DNM2: variants seen among roughly 807,000 people sequenced by gnomAD.
DNM2 encodes the protein dynamin-2.
Under a neutral mutation model 99.0 loss-of-function variants are expected in DNM2, and 15 were observed. That is an observed-to-expected ratio of 0.15 (90% confidence interval 0.10 to 0.23). The LOEUF is 0.23. Ranked by LOEUF, DNM2 falls within the 10% of genes least tolerant of loss-of-function variation. DNM2 has a pLI of 1.00. For synonymous variants in DNM2, 525 were observed against 481.2 expected (o/e 1.09, Z -1.19); for missense variants, 742 against 1,189.4 (o/e 0.62, Z 5.53).
chr19:10,780,501 T>G (rs2071332165), intron 5 of DNM2, among the ~76,000 whole-genome samples: 1 of 152,150 alleles, frequency 6.6e-6, no homozygotes, highest in Admixed American at 6.6e-5. Flanking sequence ...TTCCTTCCTG[T>G]TTCTAAGAAC....
intron 7 of DNM2, among the ~76,000 whole-genome samples, chr19:10,791,664 G>A (rs922353227): frequency 5.9e-5 from 9 of 152,186 alleles, no homozygotes; most frequent in African/African-American, 1.9e-4. Flanking sequence ...CTGTGGCTGA[G>A]AGCAGGTCCC....
Position 10,831,608 on chromosome 19 carries a change from G to C in DNM2, c.*561G>C. ...ACAGCCTGAGCCTGGCCCAGCCTCG[G>C]CTGCCAGAGGTGCCTTTGCTAGGCC... On this transcript the variant is annotated 3_prime_UTR_variant, in exon 21 of 21. Transcript: ENST00000389253. This position sits in a 1 kb window ranked among gnomAD's most constrained non-coding sequence, Gnocchi z 4.3. 1 of 986,012 alleles carries C rather than the reference G, an allele frequency of 1.0e-6. No homozygotes were observed. The highest frequency in any genetic ancestry group is 1.2e-6 in the Non-Finnish European group (1 of 830,084). The allele number at this position is 986,012 out of a possible 1,614,324, so 61.1% of individuals were successfully genotyped here. A position where few individuals can be genotyped will look rare whatever the true frequency, so the allele number is the denominator to read the frequency against.
Position 10,830,621 on chromosome 19 carries a change from TGC to T in DNM2, c.2543+244_2543+245del. On this transcript the variant is annotated intron_variant, in intron 20 of 20. Coordinates refer to ENST00000389253, the MANE Select transcript of DNM2 (RefSeq NM_001005361.3). The surrounding 1 kb of genome is among the most constrained non-coding windows in gnomAD (Gnocchi z 4.8). ...AGCTTGCCCTCTGCCTACTGGGGTG[TGC>T]CACCAGGCAGCTGGGGAACCCTCAC... 1 of 601,888 alleles carries T rather than the reference TGC, an allele frequency of 1.7e-6. No individual in the cohort carries two copies. The highest frequency in any genetic ancestry group is 2.9e-6 in the Non-Finnish European group (1 of 344,646). The allele number at this position is 601,888 out of a possible 1,614,324, so 37.3% of individuals were successfully genotyped here.
intron 1 of DNM2, among the ~76,000 whole-genome samples, chr19:10,727,582 C>A (rs1309011438): frequency 6.6e-6 from 1 of 151,852 alleles, no homozygotes; most frequent in Non-Finnish European, 1.5e-5. Flanking sequence ...TTTGCCCAGG[C>A]TAGTCTCAAA....
Position 10,738,477 on chromosome 19 carries a change from CAG to C in DNM2, c.161+20075_161+20076del, listed in dbSNP as rs775595530. 2.9e-4 allele frequency among the ~76,000 whole-genome samples: 44 copies of C among 150,996 alleles called. 1 individual carries two copies. The Middle Eastern group carries it at 0.01, about 36-fold the overall frequency. On this transcript the variant is annotated intron_variant, in intron 1 of 20. Transcript: ENST00000389253. The stretch of plus-strand genomic sequence containing the variant: ...ACAAAAACAGACAAAACAAAAAAAA[CAG>C]GGGAGGGAGGGCTACAGGAGGGTGG...
Position 10,812,203 on chromosome 19 carries a change from C to G in DNM2, c.1558-61C>G, listed in dbSNP as rs759187856. On this transcript the variant is annotated intron_variant, in intron 14 of 20. Coordinates refer to ENST00000389253, the MANE Select transcript of DNM2 (RefSeq NM_001005361.3). The surrounding 1 kb of genome is among the most constrained non-coding windows in gnomAD (Gnocchi z 4.0). ...CACTGAGCTGTGGGCAAGGCTGCTG[C>G]GCTGGGGGATGGCTGGGGCACGGAG... 2 of 1,445,106 alleles carry G rather than the reference C, an allele frequency of 1.4e-6. No individual in the cohort carries two copies. The highest frequency in any genetic ancestry group is 2.4e-5 in the South Asian group (2 of 82,270). 89.5% of individuals were successfully genotyped at this position (1,445,106 alleles called of 1,614,324 possible). A position where few individuals can be genotyped will look rare whatever the true frequency, so the allele number is the denominator to read the frequency against.
In DNM2 at chr19:10,742,580, A is replaced by G. The variant is rs1027388368; in HGVS notation, c.162-17158A>G. 2.0e-5 allele frequency among the ~76,000 whole-genome samples: 3 copies of G among 152,196 alleles called. No homozygotes were observed. The South Asian group carries it at 6.2e-4, about 32-fold the overall frequency. ...TGCCAGGCTGCAGAGTCTTCACCCAATGATCTTGCTCAGTTGTCCCCATGA... is the reference window on the plus strand; with the variant it reads ...TGCCAGGCTGCAGAGTCTTCACCCAGTGATCTTGCTCAGTTGTCCCCATGA... On this transcript the variant is annotated intron_variant, in intron 1 of 20. Transcript: ENST00000389253.
chr19:10,737,589 G>A (rs909910950), intron 1 of DNM2, among the ~76,000 whole-genome samples: 6 of 152,068 alleles, frequency 3.9e-5, no homozygotes, highest in Non-Finnish European at 8.8e-5. Context: ...GGGTTCAAGC[G>A]ATTCTCCTGC....
chr19:10,804,012 G>T (rs1014279607), intron 12 of DNM2, among the ~76,000 whole-genome samples: 5 of 152,168 alleles, frequency 3.3e-5, no homozygotes, highest in Admixed American at 6.5e-5. Flanking sequence ...ATGCCAGGGG[G>T]ACCCAGAGAA....
At chr19:10,769,686 C>G (rs2070914087) in intron 2 of DNM2, among the ~76,000 whole-genome samples, 1 of 151,774 alleles carries the variant, frequency 6.6e-6, no homozygotes, top group Non-Finnish European at 1.5e-5. Flanking sequence ...CCGAGTGTTT[C>G]CCCTTGTCCC....
intron 5 of DNM2, 96 bp from the exon 6 acceptor site, chr19:10,782,864 C>T (rs1599545658): frequency 6.4e-7 from 1 of 1,553,808 alleles, no homozygotes; most frequent in East Asian, 2.2e-5. Flanking sequence ...CCTCGTGGGA[C>T]AGGATCCATC....
At chr19:10,729,783 T>C (rs935405031) in intron 1 of DNM2, among the ~76,000 whole-genome samples, 32 of 152,260 alleles carry the variant, frequency 2.1e-4, no homozygotes, top group African/African-American at 7.7e-4. Flanking sequence ...CTTCAGGGTA[T>C]GTCTAGCCAG....
At chr19:10,736,188 A>G (rs574870604) in intron 1 of DNM2, among the ~76,000 whole-genome samples, 1 of 151,460 alleles carries the variant, frequency 6.6e-6, no homozygotes, top group Non-Finnish European at 1.5e-5. Context: ...TCACTTGAAC[A>G]CGGGAGGTGG....
chr19:10,769,768 G>T (rs571793771), intron 2 of DNM2, among the ~76,000 whole-genome samples: 2 of 152,104 alleles, frequency 1.3e-5, no homozygotes, highest in Admixed American at 1.3e-4. Flanking sequence ...TGGGGGTGGG[G>T]ATCCTGAATC....
intron 11 of DNM2, among the ~76,000 whole-genome samples, chr19:10,800,834 C>T (rs2072109106): frequency 6.6e-6 from 1 of 152,272 alleles, no homozygotes; most frequent in African/African-American, 2.4e-5. Flanking sequence ...GGGAGAGTTT[C>T]AGCAAGTGCA....
chr19:10,822,915 G>C (rs1829837661), intron 16 of DNM2, among the ~76,000 whole-genome samples: 1 of 151,550 alleles, frequency 6.6e-6, no homozygotes, highest in Admixed American at 6.6e-5. Context: ...GATCATCCTG[G>C]CGAACACGGT....
rs556688374 is a variant in DNM2 at position 10,760,184 on chromosome 19, C to G, written c.235+373C>G. 8.6e-5 allele frequency among the ~76,000 whole-genome samples: 13 copies of G among 151,452 alleles called. No homozygotes were observed. The East Asian group carries it at 2.3e-3, about 27-fold the overall frequency. ...AAGTAGCTGGGATTACAGGTGTGAC[C>G]CTCCATGGCCAGCTTTTTTTTTTTT... On this transcript the variant is annotated intron_variant, in intron 2 of 20. Transcript: ENST00000389253.
At chr19:10,760,299 C>T (rs2070576460) in intron 2 of DNM2, among the ~76,000 whole-genome samples, 1 of 151,998 alleles carries the variant, frequency 6.6e-6, no homozygotes, top group Admixed American at 6.6e-5. Context: ...CTTCGGCCTC[C>T]CTAAGTGCTG....
rs767257345 is a variant in DNM2, at chr19:10,718,226, CG to C, written c.-12del. On this transcript the variant is annotated 5_prime_UTR_variant, in exon 1 of 21. Coordinates refer to ENST00000389253, the MANE Select transcript of DNM2 (RefSeq NM_001005361.3). ...GGCGAGGAGCGCAGGGCGCTCGGGC[CG>C]GGGGCCGCCGGCGCCATGGGCAACC... The C allele has an allele frequency of 6.8e-6, 10 of 1,462,862 alleles. No homozygotes were observed. Among genetic ancestry groups the C allele is most frequent in the South Asian group, 5.3e-5 (4 of 75,616 alleles). 90.6% of individuals were successfully genotyped at this position (1,462,862 alleles called of 1,614,324 possible).
Sources: allele counts gnomAD v4.1 joint callset (sites outside exome capture counted in the v4.1 genomes callset), GRCh38; gene constraint gnomAD v4.1.1; non-coding constraint Gnocchi (gnomAD v3.1); transcripts MANE v1.5; gene names NCBI Gene and HGNC (gene_info 2026-07-23, HGNC 2026-07-21).